NCAM1: variants seen among roughly 807,000 people sequenced by gnomAD.
NCAM1 encodes the protein neural cell adhesion molecule 1, also known as antigen recognized by monoclonal antibody 5.1H11.
A neutral mutation model predicts 109.8 loss-of-function variants in NCAM1; 14 were observed. The observed-to-expected ratio is 0.13, with a 90% CI of 0.08 to 0.20. NCAM1 has a LOEUF of 0.20. Ranked by LOEUF, NCAM1 falls within the 10% of genes least tolerant of loss-of-function variation. The pLI is 1.00. For synonymous variants in NCAM1, 418 were observed against 442.9 expected, an observed-to-expected ratio of 0.94 and a Z score of 0.70; for missense variants, 774 against 1,109.9, an observed-to-expected ratio of 0.70 and a Z score of 4.30.
chr11:113,109,222 C>T (rs1023417246), intron 1 of NCAM1, among the ~76,000 whole-genome samples: 5 of 151,438 alleles, frequency 3.3e-5, no homozygotes, highest in African/African-American at 9.7e-5. Context: ...GTGGCATGCA[C>T]CTGTAGTCCC....
chr11:113,079,534 G>A (rs782223193), intron 1 of NCAM1, among the ~76,000 whole-genome samples: 5 of 152,136 alleles, frequency 3.3e-5, no homozygotes, highest in African/African-American at 9.7e-5. Context: ...TAAAAAGTTC[G>A]CCAAGTTTTT....
intron 17 of NCAM1, chr11:113,262,867 C>T (rs1198087940): frequency 5.0e-6 from 8 of 1,613,780 alleles, no homozygotes; most frequent in Admixed American, 1.7e-5. Context: ...GGCAATTCTG[C>T]ATCCTACACC....
At chr11:113,104,332 T>G (rs1043564574) in intron 1 of NCAM1, among the ~76,000 whole-genome samples, 9 of 151,670 alleles carry the variant, frequency 5.9e-5, no homozygotes, top group Admixed American at 1.3e-4. Context: ...GTGAAGAGTT[T>G]AGACATATAG....
chr11:112,969,093 C>T (rs1950804841), intron 1 of NCAM1, among the ~76,000 whole-genome samples: 2 of 152,124 alleles, frequency 1.3e-5, no homozygotes, highest in Non-Finnish European at 2.9e-5. Context: ...CTGCCTGGGA[C>T]TCCCTCGAGC....
chr11:113,019,779 T>C (rs1555075918), intron 1 of NCAM1, among the ~76,000 whole-genome samples: 1 of 152,208 alleles, frequency 6.6e-6, no homozygotes, highest in Non-Finnish European at 1.5e-5. Flanking sequence ...ATAGAACTCA[T>C]TAACTTTCCC....
chr11:113,108,870 G>A (rs1940300311), intron 1 of NCAM1, among the ~76,000 whole-genome samples: 1 of 150,078 alleles, frequency 6.7e-6, no homozygotes, highest in African/African-American at 2.4e-5. Flanking sequence ...CCGCCTCCCA[G>A]ATTCAAGCAA....
intron 1 of NCAM1, among the ~76,000 whole-genome samples, chr11:113,061,732 C>A (rs117264210): frequency 6.6e-6 from 1 of 152,192 alleles, no homozygotes; most frequent in South Asian, 2.1e-4. Flanking sequence ...TGCTTCTAAT[C>A]GTGCAGCTTG....
At chr11:113,136,258 G>A (rs1181526806) in intron 1 of NCAM1, among the ~76,000 whole-genome samples, 2 of 152,340 alleles carry the variant, frequency 1.3e-5, no homozygotes, top group African/African-American at 4.8e-5. Flanking sequence ...TGCAAAACAT[G>A]CAAGTAGAAA....
At chr11:113,183,731 T>G (rs990122525) in intron 1 of NCAM1, among the ~76,000 whole-genome samples, 2 of 151,858 alleles carry the variant, frequency 1.3e-5, no homozygotes, top group African/African-American at 4.9e-5. Context: ...GACTTATTCG[T>G]GTTCATAATA....
chr11:113,259,832 T>C lies in NCAM1; in HGVS notation c.1954-314T>C, dbSNP rs548593430. ...CATTCTCTTGCCTCAGCCTCCAGAGTAGCTGGGACTACAGGTGTGTGGCAC... is the reference window on the plus strand; with the variant it reads ...CATTCTCTTGCCTCAGCCTCCAGAGCAGCTGGGACTACAGGTGTGTGGCAC... On this transcript the variant is annotated intron_variant, in intron 16 of 19. Coordinates refer to ENST00000316851, the MANE Select transcript of NCAM1 (RefSeq NM_181351.5). Among the ~76,000 whole-genome samples, 172 of 151,228 alleles carry C rather than the reference T, an allele frequency of 1.1e-3. 1 individual carries two copies. Among genetic ancestry groups the C allele is most frequent in the African/African-American group, 4.0e-3 (166 of 41,158 alleles).
At chr11:113,050,140 TG>T (rs1230846554) in intron 1 of NCAM1, among the ~76,000 whole-genome samples, 11 of 47,554 alleles carry the variant, frequency 2.3e-4, no homozygotes, top group Non-Finnish European at 2.9e-4. Flanking sequence ...AAACAGAGGG[TG>T]GGGGGGAATG....
At chr11:113,020,126 C>A (rs1287408389) in intron 1 of NCAM1, among the ~76,000 whole-genome samples, 1 of 152,216 alleles carries the variant, frequency 6.6e-6, no homozygotes, top group Non-Finnish European at 1.5e-5. Flanking sequence ...TAACCCCTTA[C>A]TTGTTCGCTG....
chr11:113,208,451 C>G (rs782460970), intron 7 of NCAM1, among the ~76,000 whole-genome samples: 1 of 152,066 alleles, frequency 6.6e-6, no homozygotes, highest in Admixed American at 6.6e-5. Flanking sequence ...TTCTTCATGT[C>G]CCTCAGACAT....
rs374931900 is a variant in NCAM1, at chr11:112,961,561, G to C, written c.-52G>C. On this transcript the variant is annotated 5_prime_UTR_variant, in exon 1 of 20. Transcript: ENST00000316851. ...GCCGTCCACACTCGCTGCAGGGGGG[G>C]GGGCACAGAATTTACCGCGGCAAGA... is the stretch of plus-strand genomic sequence containing the variant. The C allele has an allele frequency of 1.7e-4, 201 of 1,158,330 alleles. No homozygotes were observed. In the African/African-American group the frequency reaches 2.6e-3, roughly 15 times the overall value. The allele number at this position is 1,158,330 out of a possible 1,614,324, so 71.8% of individuals were successfully genotyped here.
intron 8 of NCAM1, among the ~76,000 whole-genome samples, chr11:113,217,085 G>T (rs1026122832): frequency 6.6e-6 from 1 of 152,156 alleles, no homozygotes; most frequent in African/African-American, 2.4e-5. Context: ...GTATCTAATT[G>T]GTCAGGTAAA....
At chr11:113,133,801 A>T (rs1484029913) in intron 1 of NCAM1, 1 of 152,222 alleles carries the variant, frequency 6.6e-6, no homozygotes, top group East Asian at 1.9e-4. Context: ...AGGGATGTTA[A>T]TATTGCTTTG....
chr11:113,071,987 A>C (rs1485498234), intron 1 of NCAM1, among the ~76,000 whole-genome samples: 1 of 152,144 alleles, frequency 6.6e-6, no homozygotes, highest in African/African-American at 2.4e-5. Flanking sequence ...TCTACTAAAA[A>C]TACAAAAATT....
chr11:112,997,891 C>A (rs1591229394), intron 1 of NCAM1, among the ~76,000 whole-genome samples: 1 of 152,122 alleles, frequency 6.6e-6, no homozygotes, highest in East Asian at 1.9e-4. Context: ...CTTATGAAAG[C>A]CTAAAAAGTG....
chr11:113,138,830 C>A (rs1941707923), intron 1 of NCAM1, among the ~76,000 whole-genome samples: 1 of 152,208 alleles, frequency 6.6e-6, no homozygotes, highest in African/African-American at 2.4e-5. Context: ...ACAATTTCAG[C>A]ATTTCTTAAC....
Sources: allele counts gnomAD v4.1 joint callset (sites outside exome capture counted in the v4.1 genomes callset), GRCh38; gene constraint gnomAD v4.1.1; transcripts MANE v1.5; gene names NCBI Gene and HGNC (gene_info 2026-07-23, HGNC 2026-07-21).